The following KREMEN1 variants were observed in gnomAD, a reference collection of about 807,000 sequenced individuals.
The protein encoded by KREMEN1 is kringle containing transmembrane protein 1.
In KREMEN1, 30 loss-of-function variants were observed where a neutral mutation model predicts 46.5. The ratio of observed to expected loss-of-function variants is 0.65; its 90% CI spans 0.48 to 0.88. KREMEN1 has a LOEUF of 0.88. Among genes scored for constraint, KREMEN1 ranks in the 40% least tolerant of loss-of-function variants. The pLI, the probability that KREMEN1 is intolerant of heterozygous loss-of-function variation, is 0.00. For missense variants in KREMEN1, 533 were observed against 596.9 expected (o/e 0.89, Z 1.11); for synonymous variants, 214 against 230.6 (o/e 0.93, Z 0.65).
At chr22:29,135,724 T>G (rs56062615) in intron 5 of KREMEN1, among the ~76,000 whole-genome samples, 2,574 of 152,302 alleles carry the variant, frequency 0.017, 39 homozygotes, top group Non-Finnish European at 0.028. Flanking sequence ...TTTAAGAGTT[T>G]GTTAAAATTT....
chr22:29,105,460 T>TGC (rs1476111711), intron 3 of KREMEN1, among the ~76,000 whole-genome samples: 1 of 127,188 alleles, frequency 7.9e-6, no homozygotes, highest in African/African-American at 2.8e-5. Flanking sequence ...AGCGTGCGTG[T>TGC]GCGCACACAC....
At chr22:29,129,616 G>A (rs768834762) in intron 5 of KREMEN1, among the ~76,000 whole-genome samples, 3 of 152,156 alleles carry the variant, frequency 2.0e-5, no homozygotes, top group East Asian at 1.9e-4. Flanking sequence ...GAGTGTCAGC[G>A]ACATCTTCCT....
At chr22:29,125,887 C>T (rs61226533) in intron 5 of KREMEN1, among the ~76,000 whole-genome samples, 3,203 of 151,996 alleles carry the variant, frequency 0.021, 98 homozygotes, top group African/African-American at 0.071. Context: ...ATTGGGTTTG[C>T]CCTGACCCAC....
At chr22:29,126,025 C>G (rs938103142) in intron 5 of KREMEN1, among the ~76,000 whole-genome samples, 1 of 151,552 alleles carries the variant, frequency 6.6e-6, no homozygotes, top group Non-Finnish European at 1.5e-5. Flanking sequence ...GATTCCTCAT[C>G]ATAATCCACC....
chr22:29,130,699 T>C (rs986039836), intron 5 of KREMEN1, among the ~76,000 whole-genome samples: 4 of 152,170 alleles, frequency 2.6e-5, no homozygotes, highest in Non-Finnish European at 4.4e-5. Context: ...TGCCTGAGGC[T>C]TCTTCCCAAA....
At chr22:29,108,986 TG>T (rs2038102343) in intron 3 of KREMEN1, among the ~76,000 whole-genome samples, 1 of 152,154 alleles carries the variant, frequency 6.6e-6, no homozygotes, top group Non-Finnish European at 1.5e-5. Flanking sequence ...GATGGAGTCT[TG>T]CTATGTTGCC....
chr22:29,117,998 G>A (rs568163244), intron 3 of KREMEN1, among the ~76,000 whole-genome samples: 3 of 152,294 alleles, frequency 2.0e-5, no homozygotes, highest in Admixed American at 6.5e-5. Flanking sequence ...GCTTCAAGGC[G>A]TCTCACAAAG....
At chr22:29,126,851 A>G (rs941545904) in intron 5 of KREMEN1, among the ~76,000 whole-genome samples, 1 of 152,162 alleles carries the variant, frequency 6.6e-6, no homozygotes, top group Non-Finnish European at 1.5e-5. Flanking sequence ...GTTGATTCCT[A>G]TACATCCTGT....
At chr22:29,113,128 A>G (rs2038177712) in intron 3 of KREMEN1, among the ~76,000 whole-genome samples, 1 of 152,210 alleles carries the variant, frequency 6.6e-6, no homozygotes, top group African/African-American at 2.4e-5. Flanking sequence ...ATGAAAAACA[A>G]AAACAAAAAC....
chr22:29,080,911 A>G (rs2037643111), intron 1 of KREMEN1, among the ~76,000 whole-genome samples: 1 of 138,318 alleles, frequency 7.2e-6, no homozygotes, highest in African/African-American at 2.7e-5. Flanking sequence ...AGGTTGAGAA[A>G]CCCCGTCCTG....
At chr22:29,083,754 C>A (rs1020000707) in intron 1 of KREMEN1, among the ~76,000 whole-genome samples, 3 of 152,054 alleles carry the variant, frequency 2.0e-5, no homozygotes, top group Admixed American at 2.0e-4. Context: ...ACCACTTGAA[C>A]CTAGGAGGCG....
intron 9 of KREMEN1, chr22:29,167,000 G>A (rs2039058281): frequency 7.0e-7 from 1 of 1,435,940 alleles, no homozygotes. Flanking sequence ...CGTGCCTAGG[G>A]CTGTACTTTC....
At chr22:29,120,429 G>A (rs111270678) in intron 3 of KREMEN1, among the ~76,000 whole-genome samples, 2,235 of 51,754 alleles carry the variant, frequency 0.043, 13 homozygotes, top group East Asian at 0.22. Flanking sequence ...ACAGGGAGGA[G>A]GGAGAGGTGA....
At chr22:29,100,357 G>T (rs905001297) in intron 3 of KREMEN1, among the ~76,000 whole-genome samples, 2 of 152,038 alleles carry the variant, frequency 1.3e-5, no homozygotes, top group Non-Finnish European at 2.9e-5. Context: ...CAGGTGATCC[G>T]CCCGCCTTGG....
rs188158221 is a variant in KREMEN1, at chr22:29,143,165, C to A, written c.*1053C>A. 2,147 of 984,028 alleles carry A rather than the reference C, an allele frequency of 2.2e-3. 36 individuals carry two copies. In the African/African-American group the frequency reaches 0.036, roughly 16 times the overall value. 61.0% of individuals were successfully genotyped at this position (984,028 alleles called of 1,614,324 possible). ...GACTCTGTCTCAAAAAAACAAAACA[C>A]AAATAAACAAAAAAAATCCATTCAT... On this transcript the variant is annotated 3_prime_UTR_variant, in exon 9 of 9. Transcript: ENST00000400335.
chr22:29,131,345 T>G (rs1453160350), intron 5 of KREMEN1, among the ~76,000 whole-genome samples: 2 of 151,918 alleles, frequency 1.3e-5, no homozygotes, highest in African/African-American at 4.8e-5. Flanking sequence ...TTAGGTATAA[T>G]GTACATACAG....
At chr22:29,163,982 T>C (rs1034692969) in intron 9 of KREMEN1, among the ~76,000 whole-genome samples, 1 of 151,752 alleles carries the variant, frequency 6.6e-6, no homozygotes, top group Non-Finnish European at 1.5e-5. Flanking sequence ...CAGGGCCCAT[T>C]CACAGATTGA....
chr22:29,161,559 C>T (rs1405412809), intron 9 of KREMEN1, among the ~76,000 whole-genome samples: 1 of 146,548 alleles, frequency 6.8e-6, no homozygotes, highest in African/African-American at 2.5e-5. Context: ...AAAAAACTTA[C>T]CAGCCAAAAA....
chr22:29,127,828 C>T (rs1191175241), intron 5 of KREMEN1, among the ~76,000 whole-genome samples: 2 of 152,064 alleles, frequency 1.3e-5, no homozygotes, highest in African/African-American at 4.8e-5. Context: ...AAAGCGGCAG[C>T]AAACCAAATG....
Sources: allele counts gnomAD v4.1 joint callset (sites outside exome capture counted in the v4.1 genomes callset), GRCh38; gene constraint gnomAD v4.1.1; transcripts MANE v1.5; gene names NCBI Gene and HGNC (gene_info 2026-07-23, HGNC 2026-07-21).